Variants in ARID2 observed in about 807,000 individuals in gnomAD.
The protein encoded by ARID2 is AT-rich interaction domain 2, also known as AT-rich interactive domain-containing protein 2.
Under a neutral mutation model 184.6 loss-of-function variants are expected in ARID2, and 32 were observed. The observed-to-expected ratio is 0.17, with a 90% CI of 0.13 to 0.23. The LOEUF (loss-of-function observed/expected upper bound fraction) is 0.23. Ranked by LOEUF, ARID2 falls within the 10% of genes least tolerant of loss-of-function variation. The pLI is 1.00. For synonymous variants in ARID2, 836 were observed against 772.6 expected (o/e 1.08, Z -1.36); for missense variants, 1,696 against 2,197.6 (o/e 0.77, Z 4.56).
At chr12:45,785,517 C>T (rs1446991060) in intron 3 of ARID2, among the ~76,000 whole-genome samples, 1 of 151,998 alleles carries the variant, frequency 6.6e-6, no homozygotes, top group African/African-American at 2.4e-5. Flanking sequence ...ATTTAGAAGG[C>T]CTAAGTACAA....
intron 20 of ARID2, among the ~76,000 whole-genome samples, chr12:45,897,343 G>T (rs1027178552): frequency 6.6e-5 from 10 of 152,098 alleles, no homozygotes; most frequent in African/African-American, 2.4e-4. Context: ...TGATTTCTTG[G>T]GATATGACAC....
intron 8 of ARID2, 120 bp downstream of exon 8, chr12:45,837,111 AG>A: frequency 7.5e-7 from 1 of 1,329,900 alleles, no homozygotes; most frequent in Non-Finnish European, 1.0e-6. Context: ...TACATGTATT[AG>A]TTGCTAAAAA....
intron 20 of ARID2, among the ~76,000 whole-genome samples, chr12:45,901,856 G>T (rs1194195366): frequency 6.6e-6 from 1 of 152,042 alleles, no homozygotes; most frequent in Non-Finnish European, 1.5e-5. Context: ...GTAAGGTGGG[G>T]GGTGGGGGAG....
rs7965783 is a variant in ARID2, at chr12:45,767,521, G to C, written c.284+36207G>C. Among the ~76,000 whole-genome samples, 634 of 152,232 alleles carry C rather than the reference G, an allele frequency of 4.2e-3. 1 individual carries two copies. The highest frequency in any genetic ancestry group is 6.5e-3 in the Non-Finnish European group (441 of 68,016). On this transcript the variant is annotated intron_variant, in intron 3 of 20. Transcript: ENST00000334344. The stretch of plus-strand genomic sequence containing the variant: ...CTCTGAAGACTGGGCAGGAATGGCA[G>C]GTCACCACAAATAGCAACAAACTTA...
rs761481393 is a variant in ARID2 at position 45,850,560 on chromosome 12, T to C, written c.2437T>C (p.Ser813Pro). Residue 813 changes from serine (S) to proline (P), a missense_variant, in exon 15 of 21, where the codon TCT becomes CCT. Transcript: ENST00000334344. ...GRVQNIPACT[S>P]TVSQGQQLIT... ...AGTACAGAACATACCAGCATGTACT[T>C]CTACAGTTTCACAGGGTCAACAGTT... The C allele has an allele frequency of 6.2e-7, 1 of 1,614,074 alleles. No individual in the cohort carries two copies. Among genetic ancestry groups the C allele is most frequent in the South Asian group, 1.1e-5 (1 of 91,082 alleles).
At position 45,837,332 on chromosome 12, in the gene ARID2, C is replaced by G. The variant is rs2138130175; in HGVS notation, c.1035C>G (p.Asp345Glu). 6.2e-7 allele frequency: 1 copy of G among 1,608,530 alleles called. No individual in the cohort carries two copies. Among genetic ancestry groups the G allele is most frequent in the South Asian group, 1.1e-5 (1 of 89,576 alleles). ...LGNIAAELLL[D>E]PVDFKTTHLM... Reference sequence around the variant, plus strand: ...GTTTCTTTTTCCAGCTTTTACTGGACCCTGTTGATTTCAAAACTACTCATC... The same window carrying G: ...GTTTCTTTTTCCAGCTTTTACTGGAGCCTGTTGATTTCAAAACTACTCATC... The change falls in exon 9 of 21, where the codon GAC becomes GAG. Residue 345 changes from aspartate (D) to glutamate (E), a missense_variant. Asp to Glu is a conservative substitution (Grantham distance 45, BLOSUM62 2). This residue lies in a region of ARID2 where 86 missense variants were observed against 200.8 expected (regional missense o/e 0.43). Transcript: ENST00000334344.
chr12:45,842,533 C>G (rs1943369465), intron 11 of ARID2, among the ~76,000 whole-genome samples: 1 of 151,830 alleles, frequency 6.6e-6, no homozygotes, highest in Admixed American at 6.6e-5. Context: ...CCAAGGCGGG[C>G]AGATCTTGAG....
chr12:45,830,359 G>A (rs201980099), intron 6 of ARID2, among the ~76,000 whole-genome samples: 1 of 151,916 alleles, frequency 6.6e-6, no homozygotes, highest in Admixed American at 6.6e-5. Flanking sequence ...ATTGATTTTC[G>A]GGTAACTCGA....
intron 11 of ARID2, among the ~76,000 whole-genome samples, chr12:45,842,385 CAT>C (rs1047268603): frequency 6.6e-6 from 1 of 151,236 alleles, no homozygotes; most frequent in African/African-American, 2.4e-5. Context: ...ATAAAACACA[CAT>C]ACATATATTT....
intron 3 of ARID2, among the ~76,000 whole-genome samples, chr12:45,791,694 A>G (rs527444372): frequency 6.6e-6 from 1 of 152,294 alleles, no homozygotes; most frequent in South Asian, 2.1e-4. Context: ...CCCTGGGCTC[A>G]GGTGATCCTC....
At chr12:45,841,437 T>C (rs1462812214) in intron 11 of ARID2, 3 of 152,242 alleles carry the variant, frequency 2.0e-5, no homozygotes, top group African/African-American at 7.2e-5. Context: ...ACTTTATTAC[T>C]TGTGCTCTCC....
chr12:45,846,425 A>G (rs983887527), intron 11 of ARID2, among the ~76,000 whole-genome samples: 2 of 152,158 alleles, frequency 1.3e-5, no homozygotes, highest in Admixed American at 6.6e-5. Context: ...AAACGGAAAG[A>G]TGCTCAACTT....
intron 3 of ARID2, among the ~76,000 whole-genome samples, chr12:45,795,463 G>A (rs1565598949): frequency 6.6e-6 from 1 of 151,370 alleles, no homozygotes; most frequent in Non-Finnish European, 1.5e-5. Context: ...ACGGAGTCTC[G>A]CTCTGTCGCC....
Position 45,839,480 on chromosome 12 carries a change from T to A in ARID2, c.1482T>A (p.His494Gln), listed in dbSNP as rs2138137644. The A allele has an allele frequency of 6.2e-7, 1 of 1,612,586 alleles. No homozygotes were observed. Among genetic ancestry groups the A allele is most frequent in the Admixed American group, 1.7e-5 (1 of 59,570 alleles). ...TAGAGCAAGTCCAAACCCAGACTCATGTAGCATCTGCCCCAGGTTAGTGTT... is the reference window on the plus strand; with the variant it reads ...TAGAGCAAGTCCAAACCCAGACTCAAGTAGCATCTGCCCCAGGTTAGTGTT... Reference protein sequence around the residue: ...QAIEQVQTQTHVASAPASRAV... With the variant: ...QAIEQVQTQTQVASAPASRAV... Residue 494 changes from histidine to glutamine, a missense_variant, in exon 11 of 21, where the codon CAT (histidine) becomes CAA (glutamine). By Grantham distance (24) the His-to-Gln change is conservative. Coordinates refer to ENST00000334344, the MANE Select transcript of ARID2 (RefSeq NM_152641.4).
intron 3 of ARID2, among the ~76,000 whole-genome samples, chr12:45,753,722 T>C (rs1007517836): frequency 3.3e-5 from 5 of 152,130 alleles, no homozygotes; most frequent in Admixed American, 1.3e-4. Context: ...GCCTCCCGAA[T>C]AGCTGGGACT....
At chr12:45,784,099 C>T (rs1592074187) in intron 3 of ARID2, among the ~76,000 whole-genome samples, 1 of 152,314 alleles carries the variant, frequency 6.6e-6, no homozygotes, top group Admixed American at 6.5e-5. Context: ...AATCAGTCCT[C>T]CCACCTCAGC....
At chr12:45,834,942 A>G (rs1943190347) in intron 6 of ARID2, among the ~76,000 whole-genome samples, 1 of 152,104 alleles carries the variant, frequency 6.6e-6, no homozygotes, top group Non-Finnish European at 1.5e-5. Flanking sequence ...CTGCCCTTAC[A>G]TTGTCACATA....
intron 16 of ARID2, among the ~76,000 whole-genome samples, chr12:45,866,298 G>T (rs989786283): frequency 1.3e-5 from 2 of 152,032 alleles, no homozygotes; most frequent in African/African-American, 4.8e-5. Context: ...GATTACTCTT[G>T]AATTATGAGG....
intron 16 of ARID2, among the ~76,000 whole-genome samples, chr12:45,883,660 T>A (rs1340565059): frequency 6.6e-6 from 1 of 151,390 alleles, no homozygotes; most frequent in Non-Finnish European, 1.5e-5. Context: ...AACAATTATG[T>A]AGTATCACAT....
Sources: gnomAD v4.1 joint callset for allele counts (sites outside exome capture counted in the v4.1 genomes callset) on GRCh38, gnomAD v4.1.1 for gene constraint, gnomAD v4.1.1 regional missense constraint, MANE v1.5 for transcripts, NCBI Gene and HGNC (gene_info 2026-07-23, HGNC 2026-07-21) for gene names.